ADGRG3: variants seen among roughly 807,000 people sequenced by gnomAD.
ADGRG3 encodes the protein adhesion G protein-coupled receptor G3, also known as G protein-coupled receptor 97.
In ADGRG3, 39 loss-of-function variants were observed where a neutral mutation model predicts 54.3. That is an observed-to-expected ratio of 0.72 (90% CI 0.56 to 0.94). The LOEUF is 0.94. Ranked by LOEUF, ADGRG3 falls within the 40% of genes least tolerant of loss-of-function variation. The pLI, the probability that ADGRG3 is intolerant of heterozygous loss-of-function variation, is 0.00. For missense variants in ADGRG3, 654 were observed against 694.6 expected (o/e 0.94, Z 0.66); for synonymous variants, 312 against 290.0 (o/e 1.08, Z -0.77).
At chr16:57,666,646 T>A (rs1470208756), upstream of ADGRG3, among the ~76,000 whole-genome samples, 1 of 151,592 alleles carries the variant, frequency 6.6e-6, no homozygotes, top group African/African-American at 2.4e-5. Context: ...GCCCTGGGGT[T>A]GGGGGGGGTC....
intron 8 of ADGRG3, among the ~76,000 whole-genome samples, chr16:57,682,870 C>A (rs1038358080): frequency 1.3e-5 from 2 of 152,248 alleles, no homozygotes; most frequent in Non-Finnish European, 1.5e-5. Flanking sequence ...TTTTCGGCTT[C>A]ATGCATCCAC....
At position 57,680,533 on chromosome 16, in the gene ADGRG3, A is replaced by G; in HGVS notation, c.797A>G (p.His266Arg). 1 of 1,613,604 alleles carries G rather than the reference A, an allele frequency of 6.2e-7. No homozygotes were observed. The highest frequency in any genetic ancestry group is 8.5e-7 in the Non-Finnish European group (1 of 1,179,864). Residue 266 changes from histidine to arginine, a missense_variant, in exon 8 of 12, where the codon CAT becomes CGT. His to Arg is a conservative substitution (Grantham distance 29). Coordinates refer to ENST00000333493, the MANE Select transcript of ADGRG3 (RefSeq NM_170776.5). ...LRPTLDQSTV[H>R]ILTRISQAGC... ...CCCACCTTGGACCAGTCCACGGTGC[A>G]TATCCTCACACGCATCTCCCAGGCG...
upstream of ADGRG3, among the ~76,000 whole-genome samples, chr16:57,666,447 A>G (rs1422978772): frequency 6.6e-6 from 1 of 152,174 alleles, no homozygotes; most frequent in Non-Finnish European, 1.5e-5. Context: ...GGACAGTGGG[A>G]TCGCCCTTTC....
intron 8 of ADGRG3, among the ~76,000 whole-genome samples, chr16:57,683,092 G>A (rs1281452310): frequency 6.6e-6 from 1 of 152,260 alleles, no homozygotes; most frequent in Non-Finnish European, 1.5e-5. Context: ...AAGAAGAGGA[G>A]TCAGGCAAAG....
At chr16:57,674,144 C>G (rs935748) in intron 2 of ADGRG3, among the ~76,000 whole-genome samples, 36,956 of 151,724 alleles carry the variant, frequency 0.24, 4,940 homozygotes, top group African/African-American at 0.35. Flanking sequence ...CTTCAGGGAC[C>G]GGTGATGCAG....
chr16:57,668,123 C>G (rs114463394), upstream of ADGRG3: 1,336 of 583,332 alleles, frequency 2.3e-3, 14 homozygotes, highest in African/African-American at 0.023. Flanking sequence ...GCAGCTCCCT[C>G]TGCAGGTGGA....
chr16:57,676,980 G>A (rs2048275525), intron 3 of ADGRG3, among the ~76,000 whole-genome samples: 1 of 152,254 alleles, frequency 6.6e-6, no homozygotes, highest in African/African-American at 2.4e-5. Context: ...ACTTCAGGCA[G>A]CAAGGTGAGT....
At chr16:57,681,373 TGTGC>T (rs1402721926) in intron 8 of ADGRG3, among the ~76,000 whole-genome samples, 1,582 of 83,530 alleles carry the variant, frequency 0.019, 28 homozygotes, top group African/African-American at 0.091. Flanking sequence ...TGTGTGTGTG[TGTGC>T]GCGCGTGCGT....
chr16:57,688,393 A>G lies in ADGRG3; in HGVS notation c.1582A>G (p.Ser528Gly), dbSNP rs764677694. Residue 528 changes from serine to glycine, a missense_variant, in exon 12 of 12, where the codon AGT becomes GGT. By Grantham distance (56) the Ser-to-Gly change is moderately conservative. Coordinates refer to ENST00000333493, the MANE Select transcript of ADGRG3 (RefSeq NM_170776.5). ...CCWFTILYLPSQSTTVSSSTA... is the reference protein window; with the variant it reads ...CCWFTILYLPGQSTTVSSSTA... ...CTGGTTCACCATCCTTTACCTCCCA[A>G]GTCAGAGCACCACAGTCTCCTCCTC... The G allele has an allele frequency of 9.3e-6, 15 of 1,613,564 alleles. No homozygotes were observed. The highest frequency in any genetic ancestry group is 4.0e-5 in the African/African-American group (3 of 74,836).
intron 1 of ADGRG3, among the ~76,000 whole-genome samples, chr16:57,669,100 C>T (rs1277850392): frequency 6.6e-6 from 1 of 152,166 alleles, no homozygotes; most frequent in Non-Finnish European, 1.5e-5. Flanking sequence ...GCCTCTGTGG[C>T]GTCTTAGCAA....
chr16:57,680,416 C>T, intron 7 of ADGRG3, 51 bp downstream of exon 7: 1 of 1,573,164 alleles, frequency 6.4e-7, no homozygotes, highest in Non-Finnish European at 8.7e-7. Context: ...CTTCCAGCTC[C>T]TGCCCTGGGG....
chr16:57,668,395 C>T lies in ADGRG3; in HGVS notation c.48C>T (p.Leu16=), dbSNP rs1390525433. Residue 16 remains leucine (L), a synonymous_variant, in exon 1 of 12, where the codon CTC becomes CTT. Transcript: ENST00000333493. Reference sequence around the variant, plus strand: ...GGGCCCTGCTCCTGCTCCTCCTGCTCCCGACCTCAGGTGAGTGGCTGGCAC... The same window carrying T: ...GGGCCCTGCTCCTGCTCCTCCTGCTTCCGACCTCAGGTGAGTGGCTGGCAC... The part of the protein sequence containing the change: ...GLGALLLLLL[L]PTSGQEKPTE... The T allele has an allele frequency of 1.9e-6, 3 of 1,573,352 alleles. No individual in the cohort carries two copies. The highest frequency in any genetic ancestry group is 1.3e-5 in the African/African-American group (1 of 74,746).
intron 3 of ADGRG3, 69 bp downstream of exon 3, chr16:57,676,407 T>A: frequency 3.4e-6 from 5 of 1,459,666 alleles, no homozygotes; most frequent in Non-Finnish European, 3.8e-6. Flanking sequence ...TTCAAAACTC[T>A]AAGAGAGTTA....
chr16:57,672,937 T>G (rs1319509824), intron 1 of ADGRG3, among the ~76,000 whole-genome samples: 2 of 152,186 alleles, frequency 1.3e-5, no homozygotes, highest in African/African-American at 4.8e-5. Flanking sequence ...TCCAAGAGTT[T>G]AACCAGGAGG....
upstream of ADGRG3, among the ~76,000 whole-genome samples, chr16:57,668,003 C>T (rs1218801572): frequency 6.6e-6 from 1 of 152,238 alleles, no homozygotes. Context: ...CCTGTGCTCA[C>T]CACAGTTCCC....
intron 8 of ADGRG3, chr16:57,681,213 G>T (rs1449607575): frequency 6.3e-6 from 1 of 157,622 alleles, no homozygotes; most frequent in Non-Finnish European, 1.4e-5. Context: ...GATTCCCCCT[G>T]TGGATACATC....
chr16:57,677,824 A>G (rs2048290857), intron 3 of ADGRG3, among the ~76,000 whole-genome samples: 1 of 152,116 alleles, frequency 6.6e-6, no homozygotes, highest in South Asian at 2.1e-4. Context: ...CCCTGTGTAA[A>G]CACTGGGACT....
At chr16:57,669,080 AC>A (rs555647433) in intron 1 of ADGRG3, among the ~76,000 whole-genome samples, 19 of 151,980 alleles carry the variant, frequency 1.3e-4, no homozygotes, top group Non-Finnish European at 2.4e-4. Context: ...AGCTCCATTT[AC>A]CCTTCTTGGC....
intron 1 of ADGRG3, among the ~76,000 whole-genome samples, chr16:57,668,945 C>T (rs1162196157): frequency 2.0e-5 from 3 of 152,232 alleles, no homozygotes; most frequent in Non-Finnish European, 4.4e-5. Context: ...CACTCCTCCC[C>T]GTCACTCTCC....
Sources: gnomAD v4.1 joint callset for allele counts (sites outside exome capture counted in the v4.1 genomes callset) on GRCh38, gnomAD v4.1.1 for gene constraint, MANE v1.5 for transcripts, NCBI Gene and HGNC (gene_info 2026-07-23, HGNC 2026-07-21) for gene names.